TP53BP1: variants seen among roughly 807,000 people sequenced by gnomAD.
TP53BP1 encodes the protein TP53-binding protein 1.
Under a neutral mutation model 200.8 loss-of-function variants are expected in TP53BP1, and 61 were observed. That is an observed-to-expected ratio of 0.30 (90% CI 0.25 to 0.38). TP53BP1 has a LOEUF of 0.38. Among genes scored for constraint, TP53BP1 ranks in the 10% least tolerant of loss-of-function variants. The probability of loss-of-function intolerance (pLI) is 1.00; values close to 1 mark genes in which losing one functional copy is unlikely to be tolerated. For missense variants in TP53BP1, 2,144 were observed against 2,371.9 expected (o/e 0.90, Z 2.00); for synonymous variants, 822 against 844.3 (o/e 0.97, Z 0.46).
intron 5 of TP53BP1, 36 bp downstream of exon 5, chr15:43,480,859 G>T: frequency 6.2e-7 from 1 of 1,610,848 alleles, no homozygotes; most frequent in South Asian, 1.1e-5. Context: ...AGGGAAGTTA[G>T]AACAGTCTAT....
At chr15:43,449,233 G>C (rs1194386062) in intron 12 of TP53BP1, among the ~76,000 whole-genome samples, 1 of 152,174 alleles carries the variant, frequency 6.6e-6, no homozygotes, top group Non-Finnish European at 1.5e-5. Flanking sequence ...ACAGAAAAGA[G>C]AAATGGGTCA....
In TP53BP1 at chr15:43,407,095, A is replaced by G. The variant is rs1029027933; in HGVS notation, c.*288T>C. ...AATAAAGTTCACTCTTAACTTTTCA[A>G]TTTCCTTGGCCAGCTGTCCTCCGTA... On this transcript the variant is annotated 3_prime_UTR_variant, in exon 28 of 28. Transcript: ENST00000382044. 6 of 318,136 alleles carry G rather than the reference A, an allele frequency of 1.9e-5. No homozygotes were observed. The highest frequency in any genetic ancestry group is 1.3e-4 in the East Asian group (2 of 15,900). 19.7% of individuals were successfully genotyped at this position (318,136 alleles called of 1,614,324 possible). A position where few individuals can be genotyped will look rare whatever the true frequency, so the allele number is the denominator to read the frequency against.
chr15:43,407,895 C>A, intron 27 of TP53BP1, 48 bp downstream of exon 27: 1 of 1,574,974 alleles, frequency 6.3e-7, no homozygotes. Context: ...ACCTACAGGT[C>A]TAAGGAGATC....
chr15:43,467,297 C>G (rs748660030), intron 11 of TP53BP1, among the ~76,000 whole-genome samples: 1 of 152,008 alleles, frequency 6.6e-6, no homozygotes, highest in Non-Finnish European at 1.5e-5. Flanking sequence ...CTCCTGGGCT[C>G]ACGTGATCCT....
chr15:43,509,109 C>G (rs2079254757), intron 1 of TP53BP1, among the ~76,000 whole-genome samples: 1 of 145,680 alleles, frequency 6.9e-6, no homozygotes, highest in African/African-American at 2.6e-5. Flanking sequence ...CTCTCTGCCT[C>G]CACATGGTAC....
chr15:43,496,096 T>C (rs1464956273), upstream of TP53BP1, among the ~76,000 whole-genome samples: 1 of 152,196 alleles, frequency 6.6e-6, no homozygotes, highest in Non-Finnish European at 1.5e-5. Flanking sequence ...CATCTTTTCC[T>C]AAACCACCTT....
At chr15:43,446,935 AATGTAGAAGAC>A (rs1365476736) in intron 13 of TP53BP1, 1 of 619,588 alleles carries the variant, frequency 1.6e-6, no homozygotes, top group Admixed American at 2.3e-5. Context: ...CAAATAGGTT[AATGTAGAAGAC>A]TACTGGCTGC....
chr15:43,465,649 C>T lies in TP53BP1; in HGVS notation c.1389+4209G>A, dbSNP rs576018710. Among the ~76,000 whole-genome samples the T allele has an allele frequency of 7.9e-5, 12 of 151,974 alleles. 1 individual carries two copies. Among genetic ancestry groups the T allele is most frequent in the African/African-American group, 2.9e-4 (12 of 41,434 alleles). Reference sequence around the variant, plus strand: ...TAAATTGAGAGGGCCTGCCAAGTACCCAATACAATGAATGAAAATAGACGT... The same window carrying T: ...TAAATTGAGAGGGCCTGCCAAGTACTCAATACAATGAATGAAAATAGACGT... On this transcript the variant is annotated intron_variant, in intron 11 of 27. Coordinates refer to ENST00000382044, the MANE Select transcript of TP53BP1 (RefSeq NM_001141980.3).
intron 16 of TP53BP1, among the ~76,000 whole-genome samples, chr15:43,437,022 G>A (rs1340430071): frequency 1.3e-5 from 2 of 151,844 alleles, no homozygotes; most frequent in Non-Finnish European, 2.9e-5. Context: ...AGCCAGACAC[G>A]GCAGCACATG....
intron 1 of TP53BP1, among the ~76,000 whole-genome samples, chr15:43,504,744 G>A (rs2079227314): frequency 6.6e-6 from 1 of 152,206 alleles, no homozygotes; most frequent in Non-Finnish European, 1.5e-5. Context: ...TTGCGGCCAG[G>A]CACGGTGTCT....
intron 16 of TP53BP1, among the ~76,000 whole-genome samples, chr15:43,436,073 C>T (rs1394770585): frequency 6.6e-6 from 1 of 151,880 alleles, no homozygotes; most frequent in Non-Finnish European, 1.5e-5. Context: ...CTCACTATAA[C>T]CTCCACCTCC....
At chr15:43,502,160 A>G (rs1443283768) in intron 1 of TP53BP1, among the ~76,000 whole-genome samples, 1 of 151,940 alleles carries the variant, frequency 6.6e-6, no homozygotes, top group Non-Finnish European at 1.5e-5. Context: ...CTCTACAAAA[A>G]AATGTTTTAA....
chr15:43,451,891 T>C (rs2046179402), intron 12 of TP53BP1, among the ~76,000 whole-genome samples: 1 of 152,244 alleles, frequency 6.6e-6, no homozygotes, highest in Non-Finnish European at 1.5e-5. Context: ...TCCCGGCACT[T>C]TGAGAGGCCA....
At chr15:43,502,662 T>C (rs957558634) in intron 1 of TP53BP1, among the ~76,000 whole-genome samples, 1 of 151,696 alleles carries the variant, frequency 6.6e-6, no homozygotes, top group Non-Finnish European at 1.5e-5. Context: ...GGTTTCACTA[T>C]GTTAGCCAAA....
Position 43,454,205 on chromosome 15 carries a change from C to CA in TP53BP1, c.2716+1686dup, listed in dbSNP as rs760502638. Among the ~76,000 whole-genome samples the CA allele has an allele frequency of 9.3e-4, 139 of 150,174 alleles. 1 individual carries two copies. Among genetic ancestry groups the CA allele is most frequent in the Admixed American group, 2.2e-3 (33 of 15,084 alleles). On this transcript the variant is annotated intron_variant, in intron 12 of 27. Transcript: ENST00000382044. ...AGCAACAGAGCAAGACTCCACATCTCAAAAAAAAGGGACTGTTCTACGCAA... is the reference window on the plus strand; with the variant it reads ...AGCAACAGAGCAAGACTCCACATCTCAAAAAAAAAGGGACTGTTCTACGCAA...
intron 23 of TP53BP1, chr15:43,415,252 G>A: frequency 3.9e-6 from 1 of 259,042 alleles, no homozygotes; most frequent in Non-Finnish European, 7.5e-6. Context: ...TTGTTGCCCA[G>A]GCTGGAGTGC....
In TP53BP1 at chr15:43,406,946, G is replaced by C. The variant is rs932754888; in HGVS notation, c.*437C>G. 8.3e-6 allele frequency: 2 copies of C among 240,286 alleles called. No individual in the cohort carries two copies. Among genetic ancestry groups the C allele is most frequent in the Non-Finnish European group, 1.6e-5 (2 of 121,264 alleles). 14.9% of individuals were successfully genotyped at this position (240,286 alleles called of 1,614,324 possible). A position where few individuals can be genotyped will look rare whatever the true frequency, so the allele number is the denominator to read the frequency against. On this transcript the variant is annotated 3_prime_UTR_variant, in exon 28 of 28. Transcript: ENST00000382044. ...TTTTTAACTGTCAGGAAACAGAGCTGTGCCCAATTCCACTCAACTTTTGGC... is the reference window on the plus strand; with the variant it reads ...TTTTTAACTGTCAGGAAACAGAGCTCTGCCCAATTCCACTCAACTTTTGGC...
intron 10 of TP53BP1, among the ~76,000 whole-genome samples, chr15:43,472,062 C>G (rs1207257275): frequency 6.6e-6 from 1 of 152,190 alleles, no homozygotes; most frequent in Non-Finnish European, 1.5e-5. Flanking sequence ...TTATGTTACT[C>G]AAGAGCAGAG....
rs1261200872 is a variant in TP53BP1, at chr15:43,484,320, ATTC to A, written c.372-3301_372-3299del. Reference sequence around the variant, plus strand: ...CTTTTCAAATACTCAGAATCTCACCATTCTTCATCTGCTTCAATCCTGGTCCAG... The same window carrying A: ...CTTTTCAAATACTCAGAATCTCACCATTCATCTGCTTCAATCCTGGTCCAG... On this transcript the variant is annotated intron_variant, in intron 4 of 27. Transcript: ENST00000382044. Among the ~76,000 whole-genome samples, 6 of 152,274 alleles carry A rather than the reference ATTC, an allele frequency of 3.9e-5. No individual in the cohort carries two copies. In the East Asian group the frequency reaches 1.2e-3, roughly 29 times the overall value.
Sources: gnomAD v4.1 joint callset for allele counts (sites outside exome capture counted in the v4.1 genomes callset) on GRCh38, gnomAD v4.1.1 for gene constraint, MANE v1.5 for transcripts, NCBI Gene and HGNC (gene_info 2026-07-23, HGNC 2026-07-21) for gene names.